Variants in CCDC81 observed in about 807,000 individuals in gnomAD.
CCDC81 encodes the protein coiled-coil domain containing 81, also known as coiled-coil domain-containing protein 81.
In CCDC81, 79 loss-of-function variants were observed where a neutral mutation model predicts 83.7. The ratio of observed to expected loss-of-function variants is 0.94; its 90% confidence interval spans 0.79 to 1.14. The LOEUF is 1.14. Among genes scored for constraint, CCDC81 ranks in the 50% most tolerant of loss-of-function variants. The pLI is 0.00. For synonymous variants in CCDC81, 252 were observed against 278.1 expected, an observed-to-expected ratio of 0.91 and a Z score of 0.93; for missense variants, 791 against 778.1, an observed-to-expected ratio of 1.02 and a Z score of -0.20.
At chr11:86,397,994 C>T (rs1948433334) in intron 6 of CCDC81, among the ~76,000 whole-genome samples, 1 of 152,060 alleles carries the variant, frequency 6.6e-6, no homozygotes, top group Non-Finnish European at 1.5e-5. Context: ...AGATTACCAT[C>T]ATGTGCCACC....
chr11:86,420,878 C>T (rs1441570616), intron 14 of CCDC81, among the ~76,000 whole-genome samples: 2 of 152,034 alleles, frequency 1.3e-5, no homozygotes, highest in Non-Finnish European at 2.9e-5. Context: ...ACTCATTTGG[C>T]TTAGAGAAAA....
intron 13 of CCDC81, among the ~76,000 whole-genome samples, chr11:86,415,934 A>G (rs1248127548): frequency 1.3e-5 from 2 of 152,008 alleles, no homozygotes; most frequent in African/African-American, 4.8e-5. Context: ...TCAGCTTCCC[A>G]AAGTGTTGGG....
At chr11:86,395,961 A>G (rs1205746454) in intron 5 of CCDC81, among the ~76,000 whole-genome samples, 1 of 152,146 alleles carries the variant, frequency 6.6e-6, no homozygotes, top group African/African-American at 2.4e-5. Flanking sequence ...GCTCCTGGAA[A>G]TTCTGATACT....
intron 1 of CCDC81, among the ~76,000 whole-genome samples, chr11:86,377,833 A>G (rs975374580): frequency 6.6e-6 from 1 of 152,096 alleles, no homozygotes; most frequent in African/African-American, 2.4e-5. Context: ...CTAAAAAGTC[A>G]TTGCTATACC....
chr11:86,380,364 C>T (rs1593906114), intron 1 of CCDC81, among the ~76,000 whole-genome samples: 1 of 152,180 alleles, frequency 6.6e-6, no homozygotes, highest in East Asian at 1.9e-4. Flanking sequence ...CTCTCTCTGC[C>T]TGGCTTCTTT....
chr11:86,417,737 C>A (rs1292218959), intron 13 of CCDC81, among the ~76,000 whole-genome samples: 2 of 151,432 alleles, frequency 1.3e-5, no homozygotes, highest in Non-Finnish European at 2.9e-5. Context: ...TACGGTACAT[C>A]TAATTTTCCT....
At chr11:86,388,997 C>G (rs1025871379) in intron 3 of CCDC81, among the ~76,000 whole-genome samples, 1 of 151,932 alleles carries the variant, frequency 6.6e-6, no homozygotes, top group South Asian at 2.1e-4. Flanking sequence ...AATTCTAGGC[C>G]GGGCATGGTG....
chr11:86,404,806 T>C (rs990313288), intron 7 of CCDC81, among the ~76,000 whole-genome samples: 2 of 152,220 alleles, frequency 1.3e-5, no homozygotes, highest in South Asian at 4.1e-4. Context: ...TGTAGACTTA[T>C]ACAATACTTA....
chr11:86,409,976 A>G (rs1471465791), intron 10 of CCDC81, among the ~76,000 whole-genome samples: 1 of 152,228 alleles, frequency 6.6e-6, no homozygotes, highest in Admixed American at 6.5e-5. Context: ...CAAGGACCTA[A>G]GAGAACCAGC....
Position 86,400,816 on chromosome 11 carries a change from T to C in CCDC81, c.881+15T>C. Reference sequence around the variant, plus strand: ...ACCCCTGAAAGGTAATGCATTGACTTTTTTTTTTCTGTTGTACTTTACTAA... The same window carrying C: ...ACCCCTGAAAGGTAATGCATTGACTCTTTTTTTTCTGTTGTACTTTACTAA... On this transcript the variant is annotated intron_variant, in intron 7 of 14. Coordinates refer to ENST00000445632, the MANE Select transcript of CCDC81 (RefSeq NM_001156474.2). The C allele has an allele frequency of 6.4e-7, 1 of 1,572,356 alleles. No individual in the cohort carries two copies.
chr11:86,414,468 G>A (rs951451186), intron 11 of CCDC81: 13 of 188,442 alleles, frequency 6.9e-5, no homozygotes, highest in East Asian at 1.4e-4. Context: ...CACCACCCCC[G>A]GCTAATTCTT....
At chr11:86,376,800 C>T (rs547711487) in intron 1 of CCDC81, among the ~76,000 whole-genome samples, 1 of 152,332 alleles carries the variant, frequency 6.6e-6, no homozygotes, top group South Asian at 2.1e-4. Flanking sequence ...TACATTGACA[C>T]ATCAAAATCA....
At chr11:86,395,123 G>A (rs1309531277) in intron 4 of CCDC81, 3 of 405,742 alleles carry the variant, frequency 7.4e-6, no homozygotes, top group African/African-American at 2.1e-5. Context: ...AGGCAACACC[G>A]AAAGAATTGC....
rs777579639 is a variant in CCDC81, at chr11:86,397,737, C to T, written c.752C>T (p.Thr251Ile). 3 of 1,612,698 alleles carry T rather than the reference C, an allele frequency of 1.9e-6. No homozygotes were observed. The highest frequency in any genetic ancestry group is 1.7e-5 in the Admixed American group (1 of 59,848). The stretch of plus-strand genomic sequence containing the variant: ...GACCAGTCAGACAAAGAAGAAGGCA[C>T]CAGAGGTAGGCCAATGATTTCTGGG... The part of the protein sequence containing the change: ...LKDQSDKEEG[T>I]RDISSPKRLR... Residue 251 changes from threonine to isoleucine, a missense_variant, in exon 6 of 15, where the codon ACC becomes ATC. Thr to Ile is a moderately conservative substitution (Grantham distance 89). Transcript: ENST00000445632.
chr11:86,408,101 A>G lies in CCDC81; in HGVS notation c.970-26A>G, dbSNP rs759076723. On this transcript the variant is annotated intron_variant, in intron 8 of 14. Transcript: ENST00000445632. Reference sequence around the variant, plus strand: ...GCAAAAAGGTAAAATGTAAAAATTTATTTGTCCTGAAATTTGGGATTGTAG... The same window carrying G: ...GCAAAAAGGTAAAATGTAAAAATTTGTTTGTCCTGAAATTTGGGATTGTAG... 4 of 1,607,196 alleles carry G rather than the reference A, an allele frequency of 2.5e-6. No individual in the cohort carries two copies. The Admixed American group carries it at 6.8e-5, about 27-fold the overall frequency.
chr11:86,389,208 T>C (rs556612306), intron 3 of CCDC81, among the ~76,000 whole-genome samples: 20 of 152,108 alleles, frequency 1.3e-4, no homozygotes, highest in African/African-American at 4.6e-4. Context: ...GGCAAGAGGA[T>C]CACTTCAGCC....
chr11:86,381,196 T>C (rs185849878), intron 1 of CCDC81, among the ~76,000 whole-genome samples: 171 of 152,306 alleles, frequency 1.1e-3, no homozygotes, highest in African/African-American at 3.9e-3. Flanking sequence ...TGGGACAGAA[T>C]GGCTAAAGTG....
chr11:86,422,783 G>A lies in CCDC81; in HGVS notation c.*68G>A. 6.9e-7 allele frequency: 1 copy of A among 1,459,150 alleles called. No homozygotes were observed. The highest frequency in any genetic ancestry group is 9.4e-7 in the Non-Finnish European group (1 of 1,065,916). The allele number at this position is 1,459,150 out of a possible 1,614,324, so 90.4% of individuals were successfully genotyped here. A position where few individuals can be genotyped will look rare whatever the true frequency, so the allele number is the denominator to read the frequency against. ...CTTTTACATGTTTGGGGGTGATTGT[G>A]AAACTGCGTATTTTTACCTCAGAGA... On this transcript the variant is annotated 3_prime_UTR_variant, in exon 15 of 15. Transcript: ENST00000445632.
rs749848507 is a variant in CCDC81, at chr11:86,414,874, GGACA to G, written c.1470+12_1470+15del. ...GAGAGCTTTGGATGCACAGGTAAGG[GGACA>G]GACAAATATTATTTTTAAAATTATG... On this transcript the variant is annotated splice_region_variant and intron_variant, in intron 12 of 14. Coordinates refer to ENST00000445632, the MANE Select transcript of CCDC81 (RefSeq NM_001156474.2). The G allele has an allele frequency of 5.7e-6, 9 of 1,589,066 alleles. No individual in the cohort carries two copies. The highest frequency in any genetic ancestry group is 3.8e-5 in the Admixed American group (2 of 53,324).
Sources: gnomAD v4.1 joint callset for allele counts (sites outside exome capture counted in the v4.1 genomes callset) on GRCh38, gnomAD v4.1.1 for gene constraint, MANE v1.5 for transcripts, NCBI Gene and HGNC (gene_info 2026-07-23, HGNC 2026-07-21) for gene names.